Variants in VPS54 observed in about 807,000 individuals in gnomAD.
The protein encoded by VPS54 is VPS54 subunit of GARP complex, also known as vacuolar protein sorting-associated protein 54.
VPS54 carries 45 observed loss-of-function variants against 121.5 expected under a neutral mutation model. That is an observed-to-expected ratio of 0.37 (90% CI 0.29 to 0.47). VPS54 has a LOEUF of 0.47. VPS54 is among the 20% of genes least tolerant of loss of function. VPS54 has a pLI of 0.99. For synonymous variants in VPS54, 371 were observed against 385.8 expected (o/e 0.96, Z 0.45); for missense variants, 1,090 against 1,131.4 (o/e 0.96, Z 0.52).
intron 15 of VPS54, 134 bp from the exon 16 acceptor site, chr2:63,917,097 C>G: frequency 1.2e-6 from 1 of 829,338 alleles, no homozygotes; most frequent in Non-Finnish European, 1.9e-6. Flanking sequence ...TCCTGGGAAA[C>G]TATTTGGCAC....
intron 13 of VPS54, 111 bp from the exon 14 acceptor site, chr2:63,920,738 T>C (rs992833961): frequency 3.5e-6 from 2 of 579,624 alleles, no homozygotes; most frequent in Non-Finnish European, 4.9e-6. Flanking sequence ...TTAATAATAT[T>C]TCCCAATACT....
chr2:63,992,815 A>AT (rs758398496), intron 1 of VPS54, among the ~76,000 whole-genome samples: 5 of 152,068 alleles, frequency 3.3e-5, no homozygotes, highest in African/African-American at 9.7e-5. Flanking sequence ...ATAGTTATTG[A>AT]TTTTTTTATA....
intron 1 of VPS54, among the ~76,000 whole-genome samples, chr2:63,995,348 A>C (rs901958430): frequency 2.0e-5 from 3 of 152,246 alleles, no homozygotes; most frequent in African/African-American, 7.2e-5. Flanking sequence ...ACTCCAGGAA[A>C]AGTATAATGT....
chr2:63,894,521 G>A (rs1374074990), intron 22 of VPS54, among the ~76,000 whole-genome samples: 1 of 152,040 alleles, frequency 6.6e-6, no homozygotes, highest in Non-Finnish European at 1.5e-5. Flanking sequence ...GGGCAACATA[G>A]TGAGACCTCG....
chr2:64,017,826 A>C (rs1266392818), intron 1 of VPS54, among the ~76,000 whole-genome samples: 1 of 152,252 alleles, frequency 6.6e-6, no homozygotes, highest in Admixed American at 6.5e-5. Context: ...ACTATCAATT[A>C]CAGCTACTGG....
At chr2:63,957,678 AC>A (rs1675566716) in intron 7 of VPS54, among the ~76,000 whole-genome samples, 1 of 152,172 alleles carries the variant, frequency 6.6e-6, no homozygotes, top group Non-Finnish European at 1.5e-5. Flanking sequence ...ATTAGTAGAA[AC>A]CTCTTTGAAT....
At chr2:63,991,837 A>G (rs906402464) in intron 1 of VPS54, among the ~76,000 whole-genome samples, 1 of 152,206 alleles carries the variant, frequency 6.6e-6, no homozygotes, top group African/African-American at 2.4e-5. Flanking sequence ...ATTTACCTAC[A>G]GTCAACCCAG....
chr2:63,932,042 A>T (rs1391005344), intron 12 of VPS54, among the ~76,000 whole-genome samples: 4 of 152,100 alleles, frequency 2.6e-5, no homozygotes, highest in African/African-American at 9.7e-5. Flanking sequence ...ATAGAAATGC[A>T]TTTACACTGT....
chr2:63,989,049 C>T lies in VPS54; in HGVS notation c.-20-5030G>A, dbSNP rs180893416. Among the ~76,000 whole-genome samples, 372 of 152,238 alleles carry T rather than the reference C, an allele frequency of 2.4e-3. 1 individual carries two copies. Among genetic ancestry groups the T allele is most frequent in the African/African-American group, 8.2e-3 (339 of 41,548 alleles). Reference sequence around the variant, plus strand: ...GGCCGCTCTGGGAGTGTCTGCCTTACGCAGTTGTAGATAGGGATGAAACAC... The same window carrying T: ...GGCCGCTCTGGGAGTGTCTGCCTTATGCAGTTGTAGATAGGGATGAAACAC... On this transcript the variant is annotated intron_variant, in intron 1 of 22. Coordinates refer to ENST00000272322, the MANE Select transcript of VPS54 (RefSeq NM_016516.3).
At chr2:63,999,124 T>C (rs539779881) in intron 1 of VPS54, among the ~76,000 whole-genome samples, 2 of 152,142 alleles carry the variant, frequency 1.3e-5, no homozygotes, top group East Asian at 1.9e-4. Flanking sequence ...CTAATTTTTG[T>C]TTTTCAGTAG....
intron 20 of VPS54, among the ~76,000 whole-genome samples, chr2:63,900,753 T>G (rs977638050): frequency 8.4e-5 from 9 of 106,642 alleles, no homozygotes; most frequent in East Asian, 2.3e-4. Context: ...TCAAATCTGG[T>G]TTTTTTTGTT....
Position 63,968,948 on chromosome 2 carries a change from C to T in VPS54, c.492+9G>A, listed in dbSNP as rs761751621. ...ATAAGGCAATTTTCTCATGTTTAAG[C>T]TTTGTTACCTTAGGTACTTGCTCCA... On this transcript the variant is annotated intron_variant, in intron 5 of 22. Transcript: ENST00000272322. The T allele has an allele frequency of 1.4e-5, 22 of 1,600,428 alleles. No individual in the cohort carries two copies. The South Asian group carries it at 1.7e-4, about 12-fold the overall frequency.
At position 63,992,427 on chromosome 2, in the gene VPS54, G is replaced by T. The variant is rs779746677; in HGVS notation, c.-20-8408C>A. Among the ~76,000 whole-genome samples the T allele has an allele frequency of 6.0e-4, 92 of 152,178 alleles. 5 individuals carry two copies. Among genetic ancestry groups the T allele is most frequent in the Admixed American group, 3.3e-4 (5 of 15,284 alleles). The stretch of plus-strand genomic sequence containing the variant: ...ACTCCGTCTCCGTCCAAAACATGAA[G>T]GGATTACTAAACCCCTCCCAATTAC... On this transcript the variant is annotated intron_variant, in intron 1 of 22. Coordinates refer to ENST00000272322, the MANE Select transcript of VPS54 (RefSeq NM_016516.3).
chr2:63,910,561 T>C (rs1673105631), intron 20 of VPS54, among the ~76,000 whole-genome samples: 2 of 152,188 alleles, frequency 1.3e-5, no homozygotes, highest in Non-Finnish European at 2.9e-5. Context: ...GTGATAATAG[T>C]GTGGTTATGT....
At chr2:64,009,564 C>T (rs1210919788) in intron 1 of VPS54, among the ~76,000 whole-genome samples, 2 of 152,148 alleles carry the variant, frequency 1.3e-5, no homozygotes, top group East Asian at 1.9e-4. Flanking sequence ...GATCCGCCTG[C>T]CTCAGCCTCC....
chr2:63,933,854 C>A lies in VPS54; in HGVS notation c.1558G>T (p.Asp520Tyr), dbSNP rs765478380. The A allele has an allele frequency of 1.2e-6, 2 of 1,613,864 alleles. No individual in the cohort carries two copies. Among genetic ancestry groups the A allele is most frequent in the Non-Finnish European group, 1.7e-6 (2 of 1,179,864 alleles). The change falls in exon 12 of 23, where the codon GAT (aspartate) becomes TAT (tyrosine). Residue 520 changes from aspartate (D) to tyrosine (Y), a missense_variant. Transcript: ENST00000272322. ...GTTAGCTCACCCTCACCGAATGCATCACTTATAAACATGCCTTCATGGATT... is the reference window on the plus strand; with the variant it reads ...GTTAGCTCACCCTCACCGAATGCATAACTTATAAACATGCCTTCATGGATT... ...YLIHEGMFISDAFGEGELTPI... is the reference protein window; with the variant it reads ...YLIHEGMFISYAFGEGELTPI...
At chr2:64,018,517 C>G (rs77735212) in intron 1 of VPS54, among the ~76,000 whole-genome samples, 1,878 of 152,148 alleles carry the variant, frequency 0.012, 17 homozygotes, top group Non-Finnish European at 0.015. Context: ...TAGCCTTCCC[C>G]GGAGAGAAAA....
chr2:63,953,526 T>G (rs1675355086), intron 7 of VPS54, among the ~76,000 whole-genome samples: 1 of 152,144 alleles, frequency 6.6e-6, no homozygotes, highest in Non-Finnish European at 1.5e-5. Flanking sequence ...ATATTCAAGA[T>G]TTTTTTTCAC....
chr2:63,899,652 G>T, intron 20 of VPS54, 71 bp from the exon 21 acceptor site: 2 of 1,284,488 alleles, frequency 1.6e-6, no homozygotes, highest in Non-Finnish European at 2.2e-6. Context: ...CATTCCCTGA[G>T]ACATATATTT....
Sources: gnomAD v4.1 joint callset for allele counts (sites outside exome capture counted in the v4.1 genomes callset) on GRCh38, gnomAD v4.1.1 for gene constraint, MANE v1.5 for transcripts, NCBI Gene and HGNC (gene_info 2026-07-23, HGNC 2026-07-21) for gene names.